Variants in PIK3C2G observed in about 807,000 individuals in gnomAD.
PIK3C2G encodes phosphatidylinositol 3-kinase C2 domain-containing subunit gamma.
In PIK3C2G, 168 loss-of-function variants were observed where a neutral mutation model predicts 181.1. That is an observed-to-expected ratio of 0.93 (90% CI 0.82 to 1.05). PIK3C2G has a LOEUF of 1.05. Ranked by LOEUF, PIK3C2G falls within the 50% of genes least tolerant of loss-of-function variation. The probability of loss-of-function intolerance (pLI) is 0.00; values close to 1 mark genes in which losing one functional copy is unlikely to be tolerated. For synonymous variants in PIK3C2G, 573 were observed against 592.2 expected (o/e 0.97, Z 0.47); for missense variants, 1,869 against 1,732.8 (o/e 1.08, Z -1.40).
the PIK3C2G span, among the ~76,000 whole-genome samples, chr12:18,721,512 C>G: frequency 6.6e-6 from 1 of 151,850 alleles, no homozygotes; most frequent in Non-Finnish European, 1.5e-5. Flanking sequence ...GTGTCACTGC[C>G]TCCATCCCAA....
intron 24 of PIK3C2G, among the ~76,000 whole-genome samples, chr12:18,533,101 A>G (rs1310333136): frequency 2.0e-5 from 3 of 152,072 alleles, no homozygotes; most frequent in Admixed American, 6.6e-5. Context: ...TGCTTTGTAT[A>G]TAATTTCCAG....
At chr12:18,252,106 TC>T (rs776171602) in intron 1 of PIK3C2G, among the ~76,000 whole-genome samples, 1 of 152,144 alleles carries the variant, frequency 6.6e-6, no homozygotes, top group Non-Finnish European at 1.5e-5. Context: ...ATATTCCGAG[TC>T]ATATCAATAT....
At chr12:18,427,500 T>TAAAAA (rs59178829) in intron 18 of PIK3C2G, among the ~76,000 whole-genome samples, 1 of 114,840 alleles carries the variant, frequency 8.7e-6, no homozygotes, top group African/African-American at 3.4e-5. Context: ...GAGACTCCAT[T>TAAAAA]AAAAAAAAAA....
At chr12:18,443,516 T>C (rs984098916) in intron 18 of PIK3C2G, among the ~76,000 whole-genome samples, 1 of 152,168 alleles carries the variant, frequency 6.6e-6, no homozygotes, top group African/African-American at 2.4e-5. Context: ...TATATCTTTG[T>C]TTACAGGAAT....
chr12:18,487,636 C>A (rs976402941), intron 18 of PIK3C2G, among the ~76,000 whole-genome samples: 10 of 152,012 alleles, frequency 6.6e-5, no homozygotes, highest in Non-Finnish European at 1.5e-5. Context: ...TTTGTTGTTG[C>A]TCCATTATCT....
the PIK3C2G span, among the ~76,000 whole-genome samples, chr12:18,654,494 G>A: frequency 6.6e-6 from 1 of 152,086 alleles, no homozygotes; most frequent in African/African-American, 2.4e-5. Flanking sequence ...AATGTGGTCC[G>A]ATTTCAGACC....
At chr12:18,484,673 T>C (rs1939871936) in intron 18 of PIK3C2G, among the ~76,000 whole-genome samples, 1 of 152,174 alleles carries the variant, frequency 6.6e-6, no homozygotes, top group South Asian at 2.1e-4. Flanking sequence ...CAATTATCTT[T>C]GCAAGGATTG....
intron 17 of PIK3C2G, among the ~76,000 whole-genome samples, chr12:18,422,227 G>T (rs1397262524): frequency 6.6e-6 from 1 of 151,644 alleles, no homozygotes; most frequent in Non-Finnish European, 1.5e-5. Context: ...TACACAGAAG[G>T]CAAAATTAAA....
At chr12:18,288,444 A>T (rs146469345) in intron 3 of PIK3C2G, among the ~76,000 whole-genome samples, 1 of 152,334 alleles carries the variant, frequency 6.6e-6, no homozygotes, top group African/African-American at 2.4e-5. Flanking sequence ...CTATAACCAT[A>T]AGAAGGATTG....
intron 32 of PIK3C2G, among the ~76,000 whole-genome samples, chr12:18,642,213 T>C (rs1351145117): frequency 2.6e-5 from 4 of 152,168 alleles, no homozygotes; most frequent in East Asian, 3.9e-4. Context: ...TTTTCTCTTA[T>C]AGTTTTTTCT....
upstream of PIK3C2G, among the ~76,000 whole-genome samples, chr12:18,259,682 T>C (rs1306366015): frequency 1.3e-5 from 2 of 152,086 alleles, no homozygotes; most frequent in Non-Finnish European, 2.9e-5. Flanking sequence ...ACTCTTACAA[T>C]AAAATGCATA....
At chr12:18,571,721 T>C (rs1458387168) in intron 29 of PIK3C2G, among the ~76,000 whole-genome samples, 1 of 150,852 alleles carries the variant, frequency 6.6e-6, no homozygotes, top group African/African-American at 2.5e-5. Context: ...TTGCTTTACT[T>C]TCATCATTTC....
chr12:18,278,054 G>T (rs1178662495), intron 1 of PIK3C2G, among the ~76,000 whole-genome samples: 1 of 152,068 alleles, frequency 6.6e-6, no homozygotes, highest in African/African-American at 2.4e-5. Context: ...TCTAGTCTCT[G>T]ATTTTCCAGT....
intron 15 of PIK3C2G, among the ~76,000 whole-genome samples, chr12:18,395,017 TTC>T (rs1943774202): frequency 9.6e-6 from 1 of 103,758 alleles, no homozygotes; most frequent in Non-Finnish European, 2.3e-5. Context: ...TTTCTTCTTT[TTC>T]TTTCTTTCTT....
intron 16 of PIK3C2G, among the ~76,000 whole-genome samples, chr12:18,403,669 T>A (rs1393001548): frequency 6.6e-6 from 1 of 152,174 alleles, no homozygotes; most frequent in East Asian, 1.9e-4. Flanking sequence ...CATCTCCTTT[T>A]ACTTTAATTT....
intron 29 of PIK3C2G, among the ~76,000 whole-genome samples, chr12:18,567,375 G>T (rs562496289): frequency 4.7e-4 from 72 of 151,970 alleles, no homozygotes; most frequent in African/African-American, 1.7e-3. Context: ...CTCTAGCCTG[G>T]GTGACAGACC....
At chr12:18,433,241 G>A (rs910159821) in intron 18 of PIK3C2G, among the ~76,000 whole-genome samples, 4 of 152,122 alleles carry the variant, frequency 2.6e-5, no homozygotes, top group Non-Finnish European at 5.9e-5. Context: ...GTGTCCCGGC[G>A]TGGTGGCTCA....
intron 31 of PIK3C2G, among the ~76,000 whole-genome samples, chr12:18,630,582 A>C (rs181408255): frequency 2.0e-4 from 30 of 152,252 alleles, no homozygotes; most frequent in Admixed American, 1.4e-3. Flanking sequence ...GGGAATGTGG[A>C]GTCGGGGAAG....
intron 31 of PIK3C2G, among the ~76,000 whole-genome samples, chr12:18,633,678 C>T (rs568787620): frequency 6.6e-6 from 1 of 152,274 alleles, no homozygotes; most frequent in South Asian, 2.1e-4. Context: ...GTCCAATTTG[C>T]CCTTGTTAGT....
Sources: allele counts gnomAD v4.1 joint callset (sites outside exome capture counted in the v4.1 genomes callset), GRCh38; gene constraint gnomAD v4.1.1; transcripts MANE v1.5; gene names NCBI Gene and HGNC (gene_info 2026-07-23, HGNC 2026-07-21).